Variants in MAGI3 observed in about 807,000 individuals in gnomAD.
The protein encoded by MAGI3 is membrane associated guanylate kinase, WW and PDZ domain containing 3, also known as membrane-associated guanylate kinase, WW and PDZ domain-containing protein 3.
A neutral mutation model predicts 121.8 loss-of-function variants in MAGI3; 43 were observed. That is an observed-to-expected ratio of 0.35 (90% CI 0.28 to 0.46). The LOEUF is 0.46. Among genes scored for constraint, MAGI3 ranks in the 20% least tolerant of loss-of-function variants. MAGI3 has a pLI of 1.00. For missense variants in MAGI3, 1,547 were observed against 1,797.3 expected, an observed-to-expected ratio of 0.86 and a Z score of 2.52; for synonymous variants, 553 against 639.3, an observed-to-expected ratio of 0.86 and a Z score of 2.04.
At chr1:113,650,968 C>A in intron 13 of MAGI3, 46 bp from the exon 14 acceptor site, 1 of 1,551,002 alleles carries the variant, frequency 6.4e-7, no homozygotes, top group Non-Finnish European at 8.8e-7. Flanking sequence ...AACTCTTCAG[C>A]TAAACTTTAC....
intron 2 of MAGI3, among the ~76,000 whole-genome samples, chr1:113,566,675 A>C (rs1406334057): frequency 6.6e-6 from 1 of 152,164 alleles, no homozygotes; most frequent in East Asian, 1.9e-4. Context: ...AAATACATGG[A>C]AAGTAAACAG....
chr1:113,421,135 C>T (rs1325352632), intron 1 of MAGI3, among the ~76,000 whole-genome samples: 1 of 151,574 alleles, frequency 6.6e-6, no homozygotes, highest in Non-Finnish European at 1.5e-5. Context: ...TACCTTTTTT[C>T]CCTGAGGCTG....
At chr1:113,477,552 G>GC (rs906893175) in intron 1 of MAGI3, among the ~76,000 whole-genome samples, 25 of 152,272 alleles carry the variant, frequency 1.6e-4, no homozygotes, top group African/African-American at 5.3e-4. Context: ...TTGAATATCG[G>GC]CCCCCACTGT....
chr1:113,557,578 T>C (rs1163396322), intron 2 of MAGI3, among the ~76,000 whole-genome samples: 1 of 152,186 alleles, frequency 6.6e-6, no homozygotes, highest in Non-Finnish European at 1.5e-5. Flanking sequence ...AATTTCTCCC[T>C]GGGACAGAGT....
At chr1:113,477,591 G>C (rs1655894205) in intron 1 of MAGI3, among the ~76,000 whole-genome samples, 1 of 152,216 alleles carries the variant, frequency 6.6e-6, no homozygotes, top group Non-Finnish European at 1.5e-5. Flanking sequence ...TCTGCTGAGA[G>C]ATCTGCTGTT....
rs1336722802 is a variant in MAGI3, at chr1:113,486,265, A to T, written c.317-63250A>T. 2.6e-5 allele frequency among the ~76,000 whole-genome samples: 4 copies of T among 152,246 alleles called. No individual in the cohort carries two copies. In the East Asian group the frequency reaches 7.7e-4, roughly 29 times the overall value. ...TTGCAATTCCAGTTTGATATTGGGAATTGCATTGAATTTGTAGATTGCTTT... is the reference window on the plus strand; with the variant it reads ...TTGCAATTCCAGTTTGATATTGGGATTTGCATTGAATTTGTAGATTGCTTT... On this transcript the variant is annotated intron_variant, in intron 1 of 20. Transcript: ENST00000307546.
chr1:113,657,546 T>G (rs1653546559), intron 15 of MAGI3, among the ~76,000 whole-genome samples: 1 of 152,226 alleles, frequency 6.6e-6, no homozygotes, highest in Non-Finnish European at 1.5e-5. Flanking sequence ...CTCCTTTTAG[T>G]GAGCCAAGGA....
intron 9 of MAGI3, among the ~76,000 whole-genome samples, chr1:113,636,233 T>G (rs1652011356): frequency 6.6e-6 from 1 of 152,172 alleles, no homozygotes; most frequent in Non-Finnish European, 1.5e-5. Context: ...TTCCTTCAGT[T>G]CTGTTCTGAT....
intron 1 of MAGI3, among the ~76,000 whole-genome samples, chr1:113,516,994 C>T (rs552224196): frequency 1.3e-5 from 2 of 151,996 alleles, no homozygotes; most frequent in South Asian, 4.1e-4. Flanking sequence ...CTGTTTACTA[C>T]TCCTCAAAAT....
chr1:113,602,966 A>G (rs1326738059), intron 6 of MAGI3, among the ~76,000 whole-genome samples: 1 of 151,824 alleles, frequency 6.6e-6, no homozygotes, highest in Non-Finnish European at 1.5e-5. Flanking sequence ...GTGTATGTAT[A>G]CACATATATA....
At chr1:113,553,003 G>C (rs1659845260) in intron 2 of MAGI3, among the ~76,000 whole-genome samples, 1 of 152,164 alleles carries the variant, frequency 6.6e-6, no homozygotes, top group African/African-American at 2.4e-5. Context: ...AGACATATCA[G>C]AAGGACATAG....
At chr1:113,538,232 A>T (rs1659096555) in intron 1 of MAGI3, among the ~76,000 whole-genome samples, 1 of 152,230 alleles carries the variant, frequency 6.6e-6, no homozygotes, top group Admixed American at 6.5e-5. Context: ...TCTCTTTATT[A>T]GCTGTTGTAA....
chr1:113,409,048 T>G (rs1419135519), intron 1 of MAGI3, among the ~76,000 whole-genome samples: 1 of 152,120 alleles, frequency 6.6e-6, no homozygotes, highest in Non-Finnish European at 1.5e-5. Context: ...TTAGCAAATT[T>G]AAGTTAATCT....
intron 9 of MAGI3, among the ~76,000 whole-genome samples, chr1:113,639,901 C>T (rs1029231827): frequency 3.9e-5 from 6 of 152,088 alleles, no homozygotes; most frequent in African/African-American, 1.2e-4. Flanking sequence ...GATGGGGTTT[C>T]GCCATGTTAG....
intron 1 of MAGI3, among the ~76,000 whole-genome samples, chr1:113,453,182 T>A (rs754753609): frequency 6.6e-6 from 1 of 152,266 alleles, no homozygotes; most frequent in East Asian, 1.9e-4. Flanking sequence ...ACAATTAAGA[T>A]AGGGAATTAC....
intron 5 of MAGI3, among the ~76,000 whole-genome samples, chr1:113,593,986 C>T (rs2101740640): frequency 6.6e-6 from 1 of 152,158 alleles, no homozygotes; most frequent in African/African-American, 2.4e-5. Flanking sequence ...TTAAAGAGTC[C>T]CTGAGGGCAG....
chr1:113,426,982 GTC>G (rs1244445449), intron 1 of MAGI3, among the ~76,000 whole-genome samples: 2 of 151,430 alleles, frequency 1.3e-5, no homozygotes, highest in East Asian at 3.9e-4. Flanking sequence ...TCATATATAT[GTC>G]TCTCTCCCCC....
intron 7 of MAGI3, among the ~76,000 whole-genome samples, chr1:113,616,903 T>G (rs1650505250): frequency 1.3e-5 from 2 of 151,108 alleles, no homozygotes; most frequent in African/African-American, 4.9e-5. Flanking sequence ...TTTTTTTTTT[T>G]GAGACGGAGT....
intron 9 of MAGI3, among the ~76,000 whole-genome samples, chr1:113,624,433 T>A (rs1651091271): frequency 6.6e-6 from 1 of 152,216 alleles, no homozygotes; most frequent in Admixed American, 6.5e-5. Context: ...TCATTGTGCT[T>A]TTGATTTGTA....
Sources: allele counts gnomAD v4.1 joint callset (sites outside exome capture counted in the v4.1 genomes callset), GRCh38; gene constraint gnomAD v4.1.1; transcripts MANE v1.5; gene names NCBI Gene and HGNC (gene_info 2026-07-23, HGNC 2026-07-21).